Variants in NCOA2 observed in about 807,000 individuals in gnomAD.
NCOA2 encodes class E basic helix-loop-helix protein 75.
NCOA2 carries 21 observed loss-of-function variants against 145.1 expected under a neutral mutation model. The observed-to-expected ratio is 0.14, with a 90% CI of 0.10 to 0.21. The LOEUF (loss-of-function observed/expected upper bound fraction) is 0.21, where lower values mean the gene tolerates loss of function less well. Ranked by LOEUF, NCOA2 falls within the 10% of genes least tolerant of loss-of-function variation. The pLI is 1.00. For synonymous variants in NCOA2, 619 were observed against 637.5 expected, an observed-to-expected ratio of 0.97 and a Z score of 0.44; for missense variants, 1,472 against 1,837.6, an observed-to-expected ratio of 0.80 and a Z score of 3.64.
chr8:70,383,694 AG>A (rs1293998647), intron 1 of NCOA2, among the ~76,000 whole-genome samples: 3 of 151,990 alleles, frequency 2.0e-5, no homozygotes, highest in African/African-American at 7.2e-5. Flanking sequence ...TAGTAGAGAC[AG>A]GGTTTCTCCA....
intron 1 of NCOA2, among the ~76,000 whole-genome samples, chr8:70,395,716 G>C (rs1001996219): frequency 3.3e-5 from 5 of 152,298 alleles, no homozygotes; most frequent in Admixed American, 6.5e-5. Flanking sequence ...AAGCAGGAAT[G>C]ATCTGCTAGT....
chr8:70,230,479 T>C (rs2977985), intron 2 of NCOA2, among the ~76,000 whole-genome samples: 109,228 of 152,070 alleles, frequency 0.72, 41,387 homozygotes, highest in Non-Finnish European at 0.84. Flanking sequence ...GTGAATTATA[T>C]CTCAAGAAAG....
intron 2 of NCOA2, among the ~76,000 whole-genome samples, chr8:70,250,893 T>G (rs1352919394): frequency 6.6e-6 from 1 of 152,218 alleles, no homozygotes; most frequent in Non-Finnish European, 1.5e-5. Context: ...TTTTAAAACC[T>G]GATAAAATAT....
At chr8:70,413,928 T>C in the NCOA2 span, among the ~76,000 whole-genome samples, 1 of 152,002 alleles carries the variant, frequency 6.6e-6, no homozygotes, top group Non-Finnish European at 1.5e-5. Context: ...CCCACCCCCA[T>C]GCCCTTTTAG....
chr8:70,453,516 C>T, the NCOA2 span, among the ~76,000 whole-genome samples: 1 of 152,206 alleles, frequency 6.6e-6, no homozygotes, highest in Non-Finnish European at 1.5e-5. Context: ...CATTTGGGAG[C>T]TAGACATTTA....
At chr8:70,160,659 CAGAGAG>C (rs776025101) in intron 9 of NCOA2, among the ~76,000 whole-genome samples, 2,510 of 132,260 alleles carry the variant, frequency 0.019, 60 homozygotes, top group African/African-American at 0.053. Context: ...AAGTGAGAGA[CAGAGAG>C]AGAGAGAGAG....
the NCOA2 span, among the ~76,000 whole-genome samples, chr8:70,435,269 C>G: frequency 6.7e-6 from 1 of 149,364 alleles, no homozygotes; most frequent in African/African-American, 2.5e-5. Context: ...ACTAAAAATA[C>G]AAAAAATTAG....
At chr8:70,320,577 G>C (rs1805963147) in intron 1 of NCOA2, among the ~76,000 whole-genome samples, 1 of 152,126 alleles carries the variant, frequency 6.6e-6, no homozygotes, top group Non-Finnish European at 1.5e-5. Context: ...TAGGCTATAA[G>C]AAGGGTTGTA....
intron 2 of NCOA2, among the ~76,000 whole-genome samples, chr8:70,230,518 C>A (rs781098753): frequency 6.6e-6 from 1 of 152,026 alleles, no homozygotes; most frequent in African/African-American, 2.4e-5. Context: ...AGAACAAAAC[C>A]AACAGGCTTA....
At chr8:70,250,086 T>C (rs1261446715) in intron 2 of NCOA2, among the ~76,000 whole-genome samples, 2 of 151,594 alleles carry the variant, frequency 1.3e-5, no homozygotes, top group African/African-American at 4.8e-5. Context: ...AATGTCGTTT[T>C]CATCATTTAA....
At chr8:70,405,437 G>GT (rs34814735), upstream of NCOA2, among the ~76,000 whole-genome samples, 26,503 of 58,422 alleles carry the variant, frequency 0.45, 10,090 homozygotes, top group Non-Finnish European at 0.53. Context: ...ATTTTTAAAG[G>GT]TTTTTTTTTT....
chr8:70,330,755 A>C (rs1283295319), intron 1 of NCOA2, among the ~76,000 whole-genome samples: 2 of 152,216 alleles, frequency 1.3e-5, no homozygotes, highest in Non-Finnish European at 2.9e-5. Context: ...GTATTTACTG[A>C]GTCACAAGAA....
chr8:70,182,626 T>C (rs1308600335), intron 4 of NCOA2, among the ~76,000 whole-genome samples: 1 of 152,222 alleles, frequency 6.6e-6, no homozygotes, highest in African/African-American at 2.4e-5. Flanking sequence ...CCCTCTGCTA[T>C]TGCCCATACA....
At chr8:70,376,352 G>T (rs1452374807) in intron 1 of NCOA2, among the ~76,000 whole-genome samples, 2 of 151,246 alleles carry the variant, frequency 1.3e-5, no homozygotes, top group Non-Finnish European at 2.9e-5. Flanking sequence ...TTACACAGTG[G>T]CCCAGTACAC....
the NCOA2 span, among the ~76,000 whole-genome samples, chr8:70,455,036 G>A: frequency 2.0e-5 from 3 of 152,330 alleles, no homozygotes; most frequent in African/African-American, 7.2e-5. Context: ...GTGGCTCCAA[G>A]CCCAGGCTCA....
At chr8:70,191,877 C>A (rs1816729982) in intron 4 of NCOA2, among the ~76,000 whole-genome samples, 1 of 151,988 alleles carries the variant, frequency 6.6e-6, no homozygotes, top group Admixed American at 6.6e-5. Flanking sequence ...CCCATCTCTA[C>A]TAAAAATACA....
chr8:70,241,259 A>G (rs1468519437), intron 2 of NCOA2, among the ~76,000 whole-genome samples: 1 of 152,084 alleles, frequency 6.6e-6, no homozygotes, highest in African/African-American at 2.4e-5. Flanking sequence ...TATGCAACAC[A>G]CTTCTTTCAG....
rs1808460294 is a variant in NCOA2 at position 70,126,744 on chromosome 8, G to A, written c.3916+69C>T. 10 of 1,312,088 alleles carry A rather than the reference G, an allele frequency of 7.6e-6. No homozygotes were observed. The Admixed American group carries it at 1.5e-4, about 19-fold the overall frequency. 81.3% of individuals were successfully genotyped at this position (1,312,088 alleles called of 1,614,324 possible). ...TGCAAAGAGCTGTGAGAGAGGAGCT[G>A]TGACCCAACACTGGGGGACACTGGG... is the stretch of plus-strand genomic sequence containing the variant. On this transcript the variant is annotated intron_variant, in intron 19 of 22. Coordinates refer to ENST00000452400, the MANE Select transcript of NCOA2 (RefSeq NM_006540.4).
At chr8:70,224,463 T>C (rs1820430389) in intron 2 of NCOA2, among the ~76,000 whole-genome samples, 1 of 152,186 alleles carries the variant, frequency 6.6e-6, no homozygotes, top group South Asian at 2.1e-4. Context: ...AGTTTCACAG[T>C]GTCCTTCTTG....
Sources: gnomAD v4.1 joint callset for allele counts (sites outside exome capture counted in the v4.1 genomes callset) on GRCh38, gnomAD v4.1.1 for gene constraint, MANE v1.5 for transcripts, NCBI Gene and HGNC (gene_info 2026-07-23, HGNC 2026-07-21) for gene names.